The following WWOX variants were observed in gnomAD, a reference collection of about 807,000 sequenced individuals.
WWOX encodes the protein WW domain containing oxidoreductase.
WWOX carries 69 observed loss-of-function variants against 46.2 expected under a neutral mutation model. The ratio of observed to expected loss-of-function variants is 1.49; its 90% confidence interval spans 1.23 to 1.82. The LOEUF is 1.82. Among genes scored for constraint, WWOX ranks in the 40% most tolerant of loss-of-function variants. WWOX has a pLI of 0.00. For missense variants in WWOX, 919 were observed against 542.6 expected (o/e 1.69, Z -6.89); for synonymous variants, 359 against 202.6 (o/e 1.77, Z -6.56).
rs1075586 is a variant in WWOX at position 79,189,794 on chromosome 16, G to T, written c.1057-21814G>T. On this transcript the variant is annotated intron_variant, in intron 8 of 8. Coordinates refer to ENST00000566780, the MANE Select transcript of WWOX (RefSeq NM_016373.4). ...AATACACAGTTGTTACCTGCTCCCGGTGGGAGGGGGGGGATATTTATTTGG... is the reference window on the plus strand; with the variant it reads ...AATACACAGTTGTTACCTGCTCCCGTTGGGAGGGGGGGGATATTTATTTGG... 3.1e-3 allele frequency among the ~76,000 whole-genome samples: 467 copies of T among 151,846 alleles called. 4 individuals are homozygous for T. The highest frequency in any genetic ancestry group is 4.7e-3 in the Admixed American group (72 of 15,260).
chr16:78,186,636 G>A (rs1478625767), intron 5 of WWOX, among the ~76,000 whole-genome samples: 1 of 152,118 alleles, frequency 6.6e-6, no homozygotes, highest in East Asian at 1.9e-4. Flanking sequence ...GTGGTGGCAC[G>A]TGCCTGTAAT....
At chr16:78,926,799 T>C (rs2045508753) in intron 8 of WWOX, among the ~76,000 whole-genome samples, 1 of 152,058 alleles carries the variant, frequency 6.6e-6, no homozygotes, top group Non-Finnish European at 1.5e-5. Context: ...TTTTTTTGTT[T>C]TTGTTTTCGT....
At chr16:79,019,679 G>T (rs977482983) in intron 8 of WWOX, among the ~76,000 whole-genome samples, 1 of 151,852 alleles carries the variant, frequency 6.6e-6, no homozygotes, top group African/African-American at 2.4e-5. Flanking sequence ...TCCAACCCCG[G>T]GCTCTCTAAG....
chr16:78,139,111 T>A (rs1290495704), intron 4 of WWOX, among the ~76,000 whole-genome samples: 1 of 152,066 alleles, frequency 6.6e-6, no homozygotes, highest in Admixed American at 6.5e-5. Context: ...CATTGGGTCA[T>A]GTCCTAGGAG....
At chr16:78,434,130 G>C (rs1330854490) in intron 8 of WWOX, among the ~76,000 whole-genome samples, 3 of 152,186 alleles carry the variant, frequency 2.0e-5, no homozygotes, top group Admixed American at 6.5e-5. Context: ...CTTTTGAAGT[G>C]CTTAGGAGGA....
intron 8 of WWOX, among the ~76,000 whole-genome samples, chr16:78,951,636 C>T (rs563936578): frequency 7.0e-4 from 106 of 152,308 alleles, no homozygotes; most frequent in African/African-American, 2.5e-3. Context: ...CAGTGGCAGT[C>T]TTGATGTCAA....
At chr16:78,913,207 G>A (rs2045156953) in intron 8 of WWOX, among the ~76,000 whole-genome samples, 1 of 152,036 alleles carries the variant, frequency 6.6e-6, no homozygotes, top group African/African-American at 2.4e-5. Context: ...CTTGCAGGGA[G>A]TGGGCTTGAG....
chr16:78,423,474 G>A (rs930575529), intron 6 of WWOX, among the ~76,000 whole-genome samples: 1 of 152,052 alleles, frequency 6.6e-6, no homozygotes, highest in Non-Finnish European at 1.5e-5. Flanking sequence ...TTGTTGTATA[G>A]TTCTTATTGG....
At chr16:78,598,521 C>T (rs997094426) in intron 8 of WWOX, among the ~76,000 whole-genome samples, 2 of 152,098 alleles carry the variant, frequency 1.3e-5, no homozygotes, top group African/African-American at 4.8e-5. Flanking sequence ...CTTGCCATGG[C>T]GAGAGCTTAG....
At position 78,745,673 on chromosome 16, in the gene WWOX, A is replaced by T. The variant is rs75220662; in HGVS notation, c.1056+312921A>T. 4.9e-3 allele frequency among the ~76,000 whole-genome samples: 747 copies of T among 151,324 alleles called. 4 individuals carry two copies. The highest frequency in any genetic ancestry group is 0.017 in the African/African-American group (686 of 41,236). ...TTTTACAGCTGTTTTTCAGCACATAAATTTTCATAGACATCCACCCCCTCA... is the reference window on the plus strand; with the variant it reads ...TTTTACAGCTGTTTTTCAGCACATATATTTTCATAGACATCCACCCCCTCA... On this transcript the variant is annotated intron_variant, in intron 8 of 8. Transcript: ENST00000566780.
At chr16:78,868,835 A>G (rs1346412273) in intron 8 of WWOX, among the ~76,000 whole-genome samples, 1 of 152,198 alleles carries the variant, frequency 6.6e-6, no homozygotes, top group Non-Finnish European at 1.5e-5. Context: ...CAGCTCTTCT[A>G]GTCCTTATGC....
chr16:78,108,637 G>A (rs1597208208), intron 2 of WWOX, 150 bp downstream of exon 2: 4 of 869,624 alleles, frequency 4.6e-6, no homozygotes, highest in Admixed American at 2.2e-5. Context: ...ATGGGATTTG[G>A]CAGAAGAAGA....
chr16:78,429,581 C>G (rs534597011), intron 7 of WWOX, among the ~76,000 whole-genome samples: 1 of 152,202 alleles, frequency 6.6e-6, no homozygotes, highest in South Asian at 2.1e-4. Flanking sequence ...TTATTCCATA[C>G]CTTTCAGATA....
chr16:79,073,559 T>C (rs2048592326), intron 8 of WWOX, among the ~76,000 whole-genome samples: 1 of 152,200 alleles, frequency 6.6e-6, no homozygotes, highest in Non-Finnish European at 1.5e-5. Flanking sequence ...CCGTAGACTT[T>C]GTTTCATTTT....
intron 8 of WWOX, among the ~76,000 whole-genome samples, chr16:78,824,726 C>G (rs185874928): frequency 2.0e-5 from 3 of 152,184 alleles, no homozygotes; most frequent in African/African-American, 7.2e-5. Context: ...ACGAGGATAG[C>G]GCAGGAAAGA....
chr16:79,014,591 C>G (rs537435265), intron 8 of WWOX, among the ~76,000 whole-genome samples: 4 of 152,190 alleles, frequency 2.6e-5, no homozygotes, highest in African/African-American at 9.6e-5. Flanking sequence ...AACCCAACTC[C>G]TAGCCACTGC....
At chr16:78,662,291 C>CACCAGGA (rs1346776934) in intron 8 of WWOX, among the ~76,000 whole-genome samples, 1 of 152,198 alleles carries the variant, frequency 6.6e-6, no homozygotes, top group Non-Finnish European at 1.5e-5. Flanking sequence ...AAGGCAAGGT[C>CACCAGGA]ACCAGGATTC....
intron 8 of WWOX, among the ~76,000 whole-genome samples, chr16:78,489,708 G>A (rs1216266920): frequency 6.6e-6 from 1 of 152,154 alleles, no homozygotes; most frequent in Non-Finnish European, 1.5e-5. Context: ...CTGGGCCCTG[G>A]CATGATGGCA....
intron 8 of WWOX, chr16:78,899,144 C>T (rs1180035383): frequency 6.6e-6 from 1 of 152,094 alleles, no homozygotes; most frequent in African/African-American, 2.4e-5. Flanking sequence ...GGTTTTGAGA[C>T]AGACATCATT....
Sources: allele counts gnomAD v4.1 joint callset (sites outside exome capture counted in the v4.1 genomes callset), GRCh38; gene constraint gnomAD v4.1.1; transcripts MANE v1.5; gene names NCBI Gene and HGNC (gene_info 2026-07-23, HGNC 2026-07-21).